Variants in STIMATE observed in about 807,000 individuals in gnomAD.
STIMATE encodes STIM activating enhancer.
Under a neutral mutation model 36.7 loss-of-function variants are expected in STIMATE, and 15 were observed. The ratio of observed to expected loss-of-function variants is 0.41; its 90% CI spans 0.27 to 0.63. STIMATE has a LOEUF of 0.63. Ranked by LOEUF, STIMATE falls within the 20% of genes least tolerant of loss-of-function variation. The probability of loss-of-function intolerance (pLI) is 0.32; values close to 1 mark genes in which losing one functional copy is unlikely to be tolerated. For synonymous variants in STIMATE, 163 were observed against 162.3 expected, an observed-to-expected ratio of 1.00 and a Z score of -0.03; for missense variants, 305 against 397.3, an observed-to-expected ratio of 0.77 and a Z score of 1.98.
intron 1 of STIMATE, among the ~76,000 whole-genome samples, chr3:52,866,035 T>C (rs1343245688): frequency 6.6e-6 from 1 of 152,200 alleles, no homozygotes; most frequent in African/African-American, 2.4e-5. Flanking sequence ...TGCCATCTCA[T>C]TTACTCTATG....
chr3:52,843,812 C>G lies in STIMATE; in HGVS notation c.541-14G>C, dbSNP rs746216379. 1 of 1,611,576 alleles carries G rather than the reference C, an allele frequency of 6.2e-7. No homozygotes were observed. The highest frequency in any genetic ancestry group is 1.1e-5 in the South Asian group (1 of 91,034). ...CAACAGGGCCACCTGTAAAGAGAAG[C>G]AGACTCAGTGAGGTAGGGAGAGGCC... On this transcript the variant is annotated splice_polypyrimidine_tract_variant and intron_variant, in intron 5 of 7. Transcript: ENST00000355083.
intron 1 of STIMATE, among the ~76,000 whole-genome samples, chr3:52,871,256 G>T (rs1701400497): frequency 1.3e-5 from 2 of 152,110 alleles, no homozygotes; most frequent in African/African-American, 4.8e-5. Context: ...ACACCATGTG[G>T]ACGAACATCC....
intron 3 of STIMATE, among the ~76,000 whole-genome samples, chr3:52,850,275 C>A (rs1700974546): frequency 6.6e-6 from 1 of 152,004 alleles, no homozygotes; most frequent in Non-Finnish European, 1.5e-5. Context: ...ACTGAAAATA[C>A]AAAAAAATTA....
chr3:52,889,796 T>C (rs1300898228), intron 1 of STIMATE, among the ~76,000 whole-genome samples: 1 of 152,176 alleles, frequency 6.6e-6, no homozygotes, highest in African/African-American at 2.4e-5. Flanking sequence ...AAAACTGCTT[T>C]AAAAGAAAGG....
At chr3:52,865,079 T>TG (rs1485216102) in intron 1 of STIMATE, among the ~76,000 whole-genome samples, 2 of 152,098 alleles carry the variant, frequency 1.3e-5, no homozygotes, top group African/African-American at 4.8e-5. Context: ...CCTGAGTAGC[T>TG]GGGACTACAG....
intron 1 of STIMATE, among the ~76,000 whole-genome samples, chr3:52,869,737 C>A (rs1701371736): frequency 6.6e-6 from 1 of 152,192 alleles, no homozygotes; most frequent in African/African-American, 2.4e-5. Context: ...CTAAACTGAA[C>A]AAACAGAGCA....
intron 1 of STIMATE, among the ~76,000 whole-genome samples, chr3:52,888,497 G>C (rs1403731336): frequency 6.6e-6 from 1 of 152,244 alleles, no homozygotes; most frequent in Non-Finnish European, 1.5e-5. Flanking sequence ...ACAGGGCTCT[G>C]GGTAAAAGGA....
intron 1 of STIMATE, among the ~76,000 whole-genome samples, chr3:52,870,259 CTTT>C (rs988967070): frequency 6.6e-6 from 1 of 152,084 alleles, no homozygotes; most frequent in African/African-American, 2.4e-5. Context: ...CACCTGGCCT[CTTT>C]TTTTCTTTTA....
chr3:52,879,516 C>T (rs191195291), intron 1 of STIMATE, among the ~76,000 whole-genome samples: 8 of 152,264 alleles, frequency 5.3e-5, no homozygotes, highest in Non-Finnish European at 8.8e-5. Flanking sequence ...ACAAGTGATA[C>T]ACGAGAAGCA....
At chr3:52,896,920 G>A (rs1242804965) in intron 1 of STIMATE, among the ~76,000 whole-genome samples, 2 of 152,186 alleles carry the variant, frequency 1.3e-5, no homozygotes, top group Non-Finnish European at 2.9e-5. Flanking sequence ...TGAGGGATGT[G>A]GGTTCTAAGC....
intron 1 of STIMATE, among the ~76,000 whole-genome samples, chr3:52,876,438 T>C (rs936017777): frequency 3.3e-5 from 5 of 152,210 alleles, no homozygotes; most frequent in African/African-American, 1.2e-4. Context: ...AAAAGAGAAT[T>C]AGCTTAGAAC....
chr3:52,876,908 C>T (rs1701510663), intron 1 of STIMATE, among the ~76,000 whole-genome samples: 1 of 152,142 alleles, frequency 6.6e-6, no homozygotes, highest in South Asian at 2.1e-4. Flanking sequence ...GTTCAAGGAT[C>T]AACTGTGGGT....
At chr3:52,880,346 C>T (rs1701582367) in intron 1 of STIMATE, among the ~76,000 whole-genome samples, 1 of 152,214 alleles carries the variant, frequency 6.6e-6, no homozygotes, top group Non-Finnish European at 1.5e-5. Flanking sequence ...AGCACAGAAC[C>T]AGAGAAAGCA....
rs530732136 is a variant in STIMATE, at chr3:52,889,340, T to G, written c.160+7951A>C. On this transcript the variant is annotated intron_variant, in intron 1 of 7. Transcript: ENST00000355083. The stretch of plus-strand genomic sequence containing the variant: ...CCAGGGCTTGCCTAAGCTGGCGATC[T>G]GTGCCCACACCTCGAGAGCTGCATA... 4.3e-4 allele frequency among the ~76,000 whole-genome samples: 66 copies of G among 152,360 alleles called. 1 individual carries two copies. In the South Asian group the frequency reaches 0.013, roughly 31 times the overall value.
At position 52,840,410 on chromosome 3, in the gene STIMATE, G is replaced by C; in HGVS notation, c.*84C>G. 1 of 1,419,536 alleles carries C rather than the reference G, an allele frequency of 7.0e-7. No homozygotes were observed. The highest frequency in any genetic ancestry group is 9.7e-7 in the Non-Finnish European group (1 of 1,028,236). 87.9% of individuals were successfully genotyped at this position (1,419,536 alleles called of 1,614,324 possible). On this transcript the variant is annotated 3_prime_UTR_variant, in exon 8 of 8. Coordinates refer to ENST00000355083, the MANE Select transcript of STIMATE (RefSeq NM_198563.5). ...CAGAGGTAGAAAGGAAGGGCAGAGA[G>C]AGGGTAAGGAACGATGCTGCGGGAT...
intron 1 of STIMATE, among the ~76,000 whole-genome samples, chr3:52,883,833 T>G (rs1206278826): frequency 6.6e-6 from 1 of 152,242 alleles, no homozygotes; most frequent in African/African-American, 2.4e-5. Context: ...TTTAGCATAT[T>G]TATAACTGTT....
intron 2 of STIMATE, among the ~76,000 whole-genome samples, chr3:52,854,787 T>C (rs1054969112): frequency 1.3e-5 from 2 of 152,222 alleles, no homozygotes; most frequent in African/African-American, 4.8e-5. Context: ...GACTGAGCCC[T>C]TAACCTGTGG....
At chr3:52,841,537 T>G (rs1700797428) in intron 7 of STIMATE, among the ~76,000 whole-genome samples, 1 of 152,182 alleles carries the variant, frequency 6.6e-6, no homozygotes, top group East Asian at 1.9e-4. Flanking sequence ...TAGGTTGGGA[T>G]CAGGAGGTCC....
intron 2 of STIMATE, among the ~76,000 whole-genome samples, chr3:52,853,771 G>A (rs1298274580): frequency 1.3e-5 from 2 of 152,184 alleles, no homozygotes; most frequent in Admixed American, 6.5e-5. Context: ...CCAGCAACAC[G>A]TTTAAGAACA....
Sources: allele counts gnomAD v4.1 joint callset (sites outside exome capture counted in the v4.1 genomes callset), GRCh38; gene constraint gnomAD v4.1.1; transcripts MANE v1.5; gene names NCBI Gene and HGNC (gene_info 2026-07-23, HGNC 2026-07-21).